Variants in KIZ observed in about 807,000 individuals in gnomAD.
KIZ encodes centrosomal protein kizuna.
In KIZ, 68 loss-of-function variants were observed where a neutral mutation model predicts 79.6. The ratio of observed to expected loss-of-function variants is 0.85; its 90% CI spans 0.70 to 1.05. The LOEUF is 1.05. KIZ is among the 50% of genes least tolerant of loss of function. The pLI, the probability that KIZ is intolerant of heterozygous loss-of-function variation, is 0.00. For missense variants in KIZ, 797 were observed against 800.4 expected (o/e 1.00, Z 0.05); for synonymous variants, 280 against 281.8 (o/e 0.99, Z 0.06).
At chr20:21,214,781 T>A (rs2123297471) in intron 8 of KIZ, 81 bp downstream of exon 8, 1 of 828,714 alleles carries the variant, frequency 1.2e-6, no homozygotes, top group Middle Eastern at 2.3e-4. Context: ...ACCTATAGAA[T>A]ATCACTGACT....
intron 4 of KIZ, chr20:21,154,309 T>C (rs1016414337): frequency 2.6e-5 from 4 of 152,254 alleles, no homozygotes; most frequent in African/African-American, 9.6e-5. Flanking sequence ...TTAAATGCTG[T>C]AGTTCATAAT....
chr20:21,197,694 G>T (rs1259924800), intron 6 of KIZ: 3 of 152,184 alleles, frequency 2.0e-5, no homozygotes, highest in African/African-American at 4.8e-5. Flanking sequence ...TTATGTCTTT[G>T]TTGAGAGACA....
rs111926089 is a variant in KIZ, at chr20:21,217,914, A to G, written c.1678+2266A>G. 1.3e-5 allele frequency among the ~76,000 whole-genome samples: 2 copies of G among 152,332 alleles called. 1 individual carries two copies. The highest frequency in any genetic ancestry group is 4.8e-5 in the African/African-American group (2 of 41,568). On this transcript the variant is annotated intron_variant, in intron 9 of 12. Transcript: ENST00000619189. ...GTAGAGAGAATGAGGATGCAGCATC[A>G]CAGAAAGTGCCATTGTGAGACGAGC...
chr20:21,142,970 C>T (rs1600374148), intron 3 of KIZ, among the ~76,000 whole-genome samples: 1 of 152,112 alleles, frequency 6.6e-6, no homozygotes, highest in Non-Finnish European at 1.5e-5. Flanking sequence ...CTTCATGCCC[C>T]TGGAGGGCAA....
chr20:21,161,684 T>A (rs1300589384), intron 4 of KIZ, among the ~76,000 whole-genome samples, 187 bp from the exon 5 acceptor site: 1 of 152,148 alleles, frequency 6.6e-6, no homozygotes, highest in Non-Finnish European at 1.5e-5. Context: ...TAAAATTAAA[T>A]CCTATGGACT....
intron 6 of KIZ, among the ~76,000 whole-genome samples, chr20:21,186,371 G>T (rs1277104558): frequency 6.6e-6 from 1 of 151,732 alleles, no homozygotes; most frequent in East Asian, 1.9e-4. Flanking sequence ...TGTTTTAGGA[G>T]CATGACTGGC....
In KIZ at chr20:21,205,528, C is replaced by T. The variant is rs1457725246; in HGVS notation, c.1390C>T (p.Gln464Ter). 1 of 1,568,498 alleles carries T rather than the reference C, an allele frequency of 6.4e-7. No homozygotes were observed. The change falls in exon 7 of 13, where the codon CAG becomes TAG. Residue 464 changes from glutamine (Q) to a stop codon, truncating the protein, a stop_gained. Coordinates refer to ENST00000619189, the MANE Select transcript of KIZ (RefSeq NM_018474.6). LOFTEE classifies it high-confidence loss of function. Reference sequence around the variant, plus strand: ...ACCAGACTCAGACGTACCGAGGGCACAGGTGGGTCAGCATGTTGCCACCTT... The same window carrying T: ...ACCAGACTCAGACGTACCGAGGGCATAGGTGGGTCAGCATGTTGCCACCTT... ...QTPDSDVPRA[Q>*]VGQHVATLKE...
chr20:21,184,702 TG>T (rs964798848), intron 6 of KIZ, among the ~76,000 whole-genome samples: 4 of 152,110 alleles, frequency 2.6e-5, no homozygotes, highest in African/African-American at 9.7e-5. Context: ...GTAGGCCAGG[TG>T]AATGAGACAC....
At position 21,205,565 on chromosome 20, in the gene KIZ, A is replaced by G; in HGVS notation, c.1427A>G (p.Asp476Gly). Residue 476 changes from aspartate to glycine, a missense_variant, in exon 7 of 13, where the codon GAT becomes GGT. Asp to Gly is a moderately conservative substitution (Grantham distance 94, BLOSUM62 -1). Coordinates refer to ENST00000619189, the MANE Select transcript of KIZ (RefSeq NM_018474.6). ...CATGTTGCCACCTTGAAAGAACATG[A>G]TAATTCTGTCAAAGAAGAGGTAGGT... ...GQHVATLKEH[D>G]NSVKEEATAL... is the part of the protein sequence containing the mutation. 1 of 1,530,436 alleles carries G rather than the reference A, an allele frequency of 6.5e-7. No homozygotes were observed. The highest frequency in any genetic ancestry group is 8.9e-7 in the Non-Finnish European group (1 of 1,118,578). The allele number at this position is 1,530,436 out of a possible 1,614,324, so 94.8% of individuals were successfully genotyped here. A position where few individuals can be genotyped will look rare whatever the true frequency, so the allele number is the denominator to read the frequency against.
At chr20:21,186,127 T>C (rs1045128986) in intron 6 of KIZ, among the ~76,000 whole-genome samples, 2 of 152,186 alleles carry the variant, frequency 1.3e-5, no homozygotes, top group African/African-American at 4.8e-5. Flanking sequence ...TATTGTTTAC[T>C]AGTAAAAAAT....
In KIZ at chr20:21,162,378, A is replaced by ATC. The variant is rs1256848016; in HGVS notation, c.913_914insTC (p.Thr305IlefsTer79). The stretch of plus-strand genomic sequence containing the variant: ...CAGCGGATCAGAGGGAGAAATACTG[A>ATC]CACGGGAACATATTGAAGTTGAGGA... On this transcript the variant is annotated frameshift_variant, in exon 5 of 13. Coordinates refer to ENST00000619189, the MANE Select transcript of KIZ (RefSeq NM_018474.6). LOFTEE classifies it high-confidence loss of function. 25 of 1,613,884 alleles carry ATC rather than the reference A, an allele frequency of 1.5e-5. No individual in the cohort carries two copies. Among genetic ancestry groups the ATC allele is most frequent in the Non-Finnish European group, 2.0e-5 (24 of 1,179,838 alleles).
intron 7 of KIZ, among the ~76,000 whole-genome samples, chr20:21,206,537 C>G (rs995277148): frequency 6.6e-6 from 1 of 152,168 alleles, no homozygotes; most frequent in African/African-American, 2.4e-5. Context: ...AAACCCAACA[C>G]ATGTTCAGGC....
At chr20:21,245,482 C>T (rs1459096830) in intron 12 of KIZ, 1 of 152,280 alleles carries the variant, frequency 6.6e-6, no homozygotes, top group African/African-American at 2.4e-5. Context: ...TTAATACTTA[C>T]CTTGCCAGGC....
chr20:21,219,280 G>A (rs2036422289), intron 9 of KIZ, among the ~76,000 whole-genome samples: 1 of 152,104 alleles, frequency 6.6e-6, no homozygotes, highest in Non-Finnish European at 1.5e-5. Context: ...TATCTTCCAG[G>A]GGTGAGTGCT....
intron 1 of KIZ, among the ~76,000 whole-genome samples, chr20:21,127,270 A>G (rs963636348): frequency 6.6e-6 from 1 of 152,092 alleles, no homozygotes; most frequent in Non-Finnish European, 1.5e-5. Flanking sequence ...GCTCACCCAT[A>G]TCAGTGACCT....
intron 6 of KIZ, among the ~76,000 whole-genome samples, chr20:21,169,647 C>T (rs1297513494): frequency 1.3e-5 from 2 of 152,168 alleles, no homozygotes; most frequent in Non-Finnish European, 2.9e-5. Context: ...TGTTGCGGCA[C>T]TATTCATAAC....
intron 9 of KIZ, among the ~76,000 whole-genome samples, chr20:21,223,859 G>A (rs963183451): frequency 2.0e-5 from 3 of 151,866 alleles, no homozygotes; most frequent in Non-Finnish European, 4.4e-5. Flanking sequence ...TGTATTTATA[G>A]TAGAGACGGG....
chr20:21,145,084 G>A (rs1568917204), intron 3 of KIZ, among the ~76,000 whole-genome samples: 1 of 151,956 alleles, frequency 6.6e-6, no homozygotes, highest in Non-Finnish European at 1.5e-5. Context: ...TGATGATCTA[G>A]CAAGTATGCT....
chr20:21,158,980 A>G (rs1271809512), intron 4 of KIZ, among the ~76,000 whole-genome samples: 2 of 90,626 alleles, frequency 2.2e-5, no homozygotes, highest in African/African-American at 6.2e-5. Context: ...ATATATACAC[A>G]TATATTTATT....
Sources: gnomAD v4.1 joint callset for allele counts (sites outside exome capture counted in the v4.1 genomes callset) on GRCh38, gnomAD v4.1.1 for gene constraint, MANE v1.5 for transcripts, NCBI Gene and HGNC (gene_info 2026-07-23, HGNC 2026-07-21) for gene names.